Variants in SPRR2B observed in about 807,000 individuals in gnomAD.
SPRR2B encodes small proline-rich protein 2B.
Under a neutral mutation model 1.0 loss-of-function variants are expected in SPRR2B, and 1 was observed. The observed-to-expected ratio is 1.01, with a 90% CI of 0.36 to 4.77. The LOEUF is 4.77. SPRR2B is among the 30% of genes most tolerant of loss of function. The pLI is 0.16. For synonymous variants in SPRR2B, 27 were observed against 33.4 expected (o/e 0.81, Z 0.66); for missense variants, 53 against 88.7 (o/e 0.60, Z 1.62).
chr1:153,082,719 A>T, the SPRR2B span, among the ~76,000 whole-genome samples: 1 of 152,124 alleles, frequency 6.6e-6, no homozygotes, highest in Non-Finnish European at 1.5e-5. Context: ...CAGTGCTAAC[A>T]GGGAAATTTA....
upstream of SPRR2B, among the ~76,000 whole-genome samples, chr1:153,075,114 C>T (rs114751360): frequency 8.8e-3 from 1,338 of 152,162 alleles, 30 homozygotes; most frequent in African/African-American, 0.031. Context: ...GGGAGACCAA[C>T]GTGGGTTGAT....
chr1:153,077,944 G>A, the SPRR2B span, among the ~76,000 whole-genome samples: 21 of 152,040 alleles, frequency 1.4e-4, no homozygotes, highest in African/African-American at 5.1e-4. Context: ...AAATGTTTTC[G>A]AGTATACACA....
chr1:153,082,180 G>A, the SPRR2B span, among the ~76,000 whole-genome samples: 7 of 152,142 alleles, frequency 4.6e-5, no homozygotes, highest in African/African-American at 1.7e-4. Flanking sequence ...AAAGATAAAA[G>A]GCAATAAAAT....
the SPRR2B span, among the ~76,000 whole-genome samples, chr1:153,079,767 G>T: frequency 1.3e-5 from 2 of 152,052 alleles, no homozygotes; most frequent in African/African-American, 4.8e-5. Context: ...GGTTACTGTA[G>T]CCTTGTAGTA....
At chr1:153,077,548 G>A in the SPRR2B span, among the ~76,000 whole-genome samples, 1 of 151,284 alleles carries the variant, frequency 6.6e-6, no homozygotes, top group Non-Finnish European at 1.5e-5. Context: ...AACTCACGAT[G>A]TATAGAGATG....
chr1:153,079,582 T>TGGTTAGCC, the SPRR2B span, among the ~76,000 whole-genome samples: 1 of 152,114 alleles, frequency 6.6e-6, no homozygotes, highest in African/African-American at 2.4e-5. Context: ...TTTCTACATA[T>TGGTTAGCC]GGTTAGCCAG....
chr1:153,078,511 C>CCA, the SPRR2B span, among the ~76,000 whole-genome samples: 1 of 152,058 alleles, frequency 6.6e-6, no homozygotes, highest in South Asian at 2.1e-4. Context: ...TATCCCTCCC[C>CCA]TCTACCCCCA....
At chr1:153,071,967 A>C (rs902867237), upstream of SPRR2B, among the ~76,000 whole-genome samples, 2 of 151,934 alleles carry the variant, frequency 1.3e-5, no homozygotes, top group Non-Finnish European at 2.9e-5. Flanking sequence ...ACCCATCTCC[A>C]CCCCTTCTTT....
chr1:153,073,032 C>A (rs1184468232), upstream of SPRR2B, among the ~76,000 whole-genome samples: 1 of 152,172 alleles, frequency 6.6e-6, no homozygotes, highest in East Asian at 1.9e-4. Context: ...TTCTTTGGAG[C>A]ACTCACCAGC....
chr1:153,085,627 G>T, the SPRR2B span, among the ~76,000 whole-genome samples: 1 of 152,178 alleles, frequency 6.6e-6, no homozygotes, highest in East Asian at 1.9e-4. Context: ...TCATCCATGA[G>T]ATCTTCCCCA....
the SPRR2B span, among the ~76,000 whole-genome samples, chr1:153,084,667 C>A: frequency 6.6e-6 from 1 of 152,234 alleles, no homozygotes; most frequent in African/African-American, 2.4e-5. Flanking sequence ...AGAACCCTGC[C>A]CCCAGCCCAA....
At chr1:153,080,673 G>A in the SPRR2B span, among the ~76,000 whole-genome samples, 1 of 152,084 alleles carries the variant, frequency 6.6e-6, no homozygotes, top group Non-Finnish European at 1.5e-5. Flanking sequence ...AAATTCTACT[G>A]TAAGTTTGAG....
chr1:153,083,882 G>A, the SPRR2B span, among the ~76,000 whole-genome samples: 22 of 152,332 alleles, frequency 1.4e-4, no homozygotes, highest in South Asian at 4.3e-3. Context: ...GCTAGGGATG[G>A]CCATCTCTCT....
At chr1:153,075,777 C>G (rs75863240), upstream of SPRR2B, among the ~76,000 whole-genome samples, 2,523 of 152,174 alleles carry the variant, frequency 0.017, 68 homozygotes, top group African/African-American at 0.058. Context: ...AAGTGTGTGC[C>G]AGAAGTTTTT....
chr1:153,086,001 C>A, the SPRR2B span, among the ~76,000 whole-genome samples: 1 of 152,184 alleles, frequency 6.6e-6, no homozygotes, highest in African/African-American at 2.4e-5. Context: ...TTGTTACCCC[C>A]AGACCTACCT....
At position 153,070,655 on chromosome 1, in the gene SPRR2B, G is replaced by C. The variant is rs771177680; in HGVS notation, c.185C>G (p.Pro62Arg). Reference protein sequence around the residue: ...QKYPPVTPSPPCQPKYPPKSK With the variant: ...QKYPPVTPSPRCQPKYPPKSK ...CTTCGGTGGATACTTTGGCTGGCAGGGTGGGGAAGGTGTCACAGGAGGATA... is the reference window on the plus strand; with the variant it reads ...CTTCGGTGGATACTTTGGCTGGCAGCGTGGGGAAGGTGTCACAGGAGGATA... Residue 62 changes from proline (P) to arginine (R), a missense_variant, in exon 2 of 2, where the codon CCC becomes CGC. Physicochemically the swap from Pro to Arg is moderately radical, Grantham distance 103. Coordinates refer to ENST00000368755, the MANE Select transcript of SPRR2B (RefSeq NM_001388198.1). 7 of 1,612,282 alleles carry C rather than the reference G, an allele frequency of 4.3e-6. No individual in the cohort carries two copies. The highest frequency in any genetic ancestry group is 5.1e-6 in the Non-Finnish European group (6 of 1,179,816).
At chr1:153,087,615 A>T in the SPRR2B span, among the ~76,000 whole-genome samples, 1 of 152,168 alleles carries the variant, frequency 6.6e-6, no homozygotes, top group Admixed American at 6.5e-5. Flanking sequence ...TATTACAAAC[A>T]TCTCTATGTA....
chr1:153,078,263 G>C, the SPRR2B span, among the ~76,000 whole-genome samples: 1 of 152,194 alleles, frequency 6.6e-6, no homozygotes, highest in African/African-American at 2.4e-5. Context: ...AAAGAGACCA[G>C]AGGTGGCTAC....
At chr1:153,079,798 T>C in the SPRR2B span, among the ~76,000 whole-genome samples, 1 of 152,116 alleles carries the variant, frequency 6.6e-6, no homozygotes, top group Non-Finnish European at 1.5e-5. Context: ...TCAGGTAGCA[T>C]GATGCCTCCA....
Sources: gnomAD v4.1 joint callset for allele counts (sites outside exome capture counted in the v4.1 genomes callset) on GRCh38, gnomAD v4.1.1 for gene constraint, MANE v1.5 for transcripts, NCBI Gene and HGNC (gene_info 2026-07-23, HGNC 2026-07-21) for gene names.